The following CCSER1 variants were observed in gnomAD, a reference collection of about 807,000 sequenced individuals.
CCSER1 encodes coiled-coil serine rich protein 1.
CCSER1 carries 41 observed loss-of-function variants against 82.0 expected under a neutral mutation model. The ratio of observed to expected loss-of-function variants is 0.50; its 90% CI spans 0.39 to 0.65. CCSER1 has a LOEUF of 0.65. CCSER1 is among the 30% of genes least tolerant of loss of function. The probability of loss-of-function intolerance (pLI) is 0.00; values close to 1 mark genes in which losing one functional copy is unlikely to be tolerated. For synonymous variants in CCSER1, 414 were observed against 383.9 expected (o/e 1.08, Z -0.92); for missense variants, 1,119 against 1,064.2 (o/e 1.05, Z -0.72).
intron 3 of CCSER1, among the ~76,000 whole-genome samples, chr4:90,388,653 G>A (rs1204102472): frequency 7.2e-6 from 1 of 139,816 alleles, no homozygotes; most frequent in Non-Finnish European, 1.5e-5. Flanking sequence ...TTTTTTTTTT[G>A]AGACGAAGTC....
At chr4:90,520,402 C>T (rs984967235) in intron 5 of CCSER1, among the ~76,000 whole-genome samples, 2 of 151,990 alleles carry the variant, frequency 1.3e-5, no homozygotes, top group East Asian at 3.8e-4. Flanking sequence ...CTGCTGTCAC[C>T]TGAAAATGGT....
At chr4:91,292,829 A>C (rs946895013) in intron 10 of CCSER1, among the ~76,000 whole-genome samples, 1 of 151,966 alleles carries the variant, frequency 6.6e-6, no homozygotes, top group Admixed American at 6.6e-5. Context: ...GGTATTGGTT[A>C]ACTGAGCTCA....
chr4:91,254,489 G>T (rs1357441198), intron 10 of CCSER1, among the ~76,000 whole-genome samples: 1 of 152,090 alleles, frequency 6.6e-6, no homozygotes, highest in Non-Finnish European at 1.5e-5. Flanking sequence ...TTAGATACTT[G>T]GAGTAAAATT....
chr4:90,695,451 A>T (rs1184763436), intron 6 of CCSER1, among the ~76,000 whole-genome samples: 1 of 152,030 alleles, frequency 6.6e-6, no homozygotes, highest in East Asian at 1.9e-4. Context: ...GGCTGAAACA[A>T]ATCTTAAAAG....
At chr4:91,365,586 A>G (rs1749555742) in intron 10 of CCSER1, among the ~76,000 whole-genome samples, 1 of 152,198 alleles carries the variant, frequency 6.6e-6, no homozygotes, top group Admixed American at 6.5e-5. Context: ...CATTTATTAA[A>G]CAAATTGCCA....
At chr4:90,649,955 G>A (rs1029185939) in intron 6 of CCSER1, among the ~76,000 whole-genome samples, 1 of 152,022 alleles carries the variant, frequency 6.6e-6, no homozygotes, top group African/African-American at 2.4e-5. Context: ...ACAAAAATTA[G>A]CCTGTAATCC....
At chr4:91,431,173 T>C (rs1668242262) in intron 10 of CCSER1, among the ~76,000 whole-genome samples, 1 of 151,996 alleles carries the variant, frequency 6.6e-6, no homozygotes, top group Non-Finnish European at 1.5e-5. Flanking sequence ...GAGGCGGAAC[T>C]TAGAGTGAGC....
At chr4:90,554,248 T>C (rs1486759782) in intron 5 of CCSER1, among the ~76,000 whole-genome samples, 1 of 152,114 alleles carries the variant, frequency 6.6e-6, no homozygotes, top group Non-Finnish European at 1.5e-5. Flanking sequence ...CATGTTGTCC[T>C]AGCTACTTGG....
intron 1 of CCSER1, among the ~76,000 whole-genome samples, chr4:90,212,901 G>A (rs1740296975): frequency 1.3e-5 from 2 of 152,158 alleles, no homozygotes; most frequent in Admixed American, 1.3e-4. Context: ...GAGAGGACTG[G>A]GCCTGTTGAT....
intron 10 of CCSER1, among the ~76,000 whole-genome samples, chr4:91,478,372 G>T (rs1757707023): frequency 6.6e-6 from 1 of 151,716 alleles, no homozygotes; most frequent in Admixed American, 6.6e-5. Flanking sequence ...AATTGTTCTT[G>T]TTATAGAAAC....
rs200417419 is a variant in CCSER1, at chr4:90,589,489, G to GA, written c.1725-38530dup. 5.9e-4 allele frequency among the ~76,000 whole-genome samples: 90 copies of GA among 151,776 alleles called. 1 individual carries two copies. In the East Asian group the frequency reaches 0.014, roughly 24 times the overall value. On this transcript the variant is annotated intron_variant, in intron 5 of 10. Transcript: ENST00000509176. ...TTTTTATGATTTACAAAAATCTGGA[G>GA]AAAAAACAGGGCAAAAATAACAGAA...
chr4:90,317,488 G>A (rs1736380287), intron 3 of CCSER1, among the ~76,000 whole-genome samples: 1 of 152,112 alleles, frequency 6.6e-6, no homozygotes, highest in African/African-American at 2.4e-5. Flanking sequence ...TGGGCATGGT[G>A]GCCAGTGCCT....
chr4:90,581,498 G>T (rs1408045210), intron 5 of CCSER1, among the ~76,000 whole-genome samples: 1 of 152,000 alleles, frequency 6.6e-6, no homozygotes, highest in Non-Finnish European at 1.5e-5. Flanking sequence ...CATAGTTAAG[G>T]GGTATGTGTG....
At chr4:90,262,828 T>C (rs968624784) in intron 1 of CCSER1, among the ~76,000 whole-genome samples, 2 of 152,134 alleles carry the variant, frequency 1.3e-5, no homozygotes, top group African/African-American at 4.8e-5. Context: ...TTTTTGTCTG[T>C]AAGAACATTG....
At chr4:90,832,256 T>C (rs1017846934) in intron 8 of CCSER1, among the ~76,000 whole-genome samples, 1 of 152,094 alleles carries the variant, frequency 6.6e-6, no homozygotes, top group Non-Finnish European at 1.5e-5. Context: ...TGTCTGCAAA[T>C]GAAGAGAAAA....
intron 3 of CCSER1, among the ~76,000 whole-genome samples, chr4:90,352,666 C>A (rs200414954): frequency 7.3e-5 from 11 of 149,868 alleles, no homozygotes; most frequent in Non-Finnish European, 8.9e-5. Flanking sequence ...TCTCAAAAAA[C>A]AAAAAAAAAA....
intron 10 of CCSER1, among the ~76,000 whole-genome samples, chr4:91,156,249 C>T (rs539016556): frequency 6.6e-6 from 1 of 151,700 alleles, no homozygotes; most frequent in South Asian, 2.1e-4. Context: ...AGATAAAACA[C>T]TAACAAATAA....
intron 8 of CCSER1, among the ~76,000 whole-genome samples, chr4:90,835,718 A>T (rs1164922689): frequency 6.6e-6 from 1 of 152,164 alleles, no homozygotes; most frequent in East Asian, 1.9e-4. Flanking sequence ...AGGGAAATTG[A>T]ATTTTCCCAG....
intron 7 of CCSER1, among the ~76,000 whole-genome samples, chr4:90,789,972 G>T (rs1334351206): frequency 6.6e-6 from 1 of 151,996 alleles, no homozygotes; most frequent in African/African-American, 2.4e-5. Flanking sequence ...CTCTCAACAG[G>T]AGTGAGCAAT....
Sources: gnomAD v4.1 joint callset for allele counts (sites outside exome capture counted in the v4.1 genomes callset) on GRCh38, gnomAD v4.1.1 for gene constraint, MANE v1.5 for transcripts, NCBI Gene and HGNC (gene_info 2026-07-23, HGNC 2026-07-21) for gene names.